Variants in TTLL1 observed in about 807,000 individuals in gnomAD.
The protein encoded by TTLL1 is TTL family tubulin polyglutamylase complex subunit L1.
Under a neutral mutation model 47.8 loss-of-function variants are expected in TTLL1, and 33 were observed. The ratio of observed to expected loss-of-function variants is 0.69; its 90% CI spans 0.52 to 0.92. The LOEUF (loss-of-function observed/expected upper bound fraction) is 0.92, where lower values mean the gene tolerates loss of function less well. TTLL1 is among the 40% of genes least tolerant of loss of function. The pLI is 0.00. For synonymous variants in TTLL1, 225 were observed against 214.1 expected, an observed-to-expected ratio of 1.05 and a Z score of -0.45; for missense variants, 488 against 547.5, an observed-to-expected ratio of 0.89 and a Z score of 1.08.
chr22:43,073,226 T>C (rs894923396), intron 3 of TTLL1, among the ~76,000 whole-genome samples: 1 of 151,494 alleles, frequency 6.6e-6, no homozygotes, highest in African/African-American at 2.4e-5. Flanking sequence ...ATGTTGGCCA[T>C]GGTTGGCCAG....
Position 43,075,467 on chromosome 22 carries a change from T to A in TTLL1, c.113+7A>T, listed in dbSNP as rs775896926. On this transcript the variant is annotated splice_region_variant and intron_variant, in intron 3 of 10. Transcript: ENST00000266254. Reference sequence around the variant, plus strand: ...AGAAACAACCCAGCCCTGCTGTGTATGCTTACCAGTAAAAATTCCAGTCCT... The same window carrying A: ...AGAAACAACCCAGCCCTGCTGTGTAAGCTTACCAGTAAAAATTCCAGTCCT... 68 of 1,612,438 alleles carry A rather than the reference T, an allele frequency of 4.2e-5. 1 individual carries two copies. In the South Asian group the frequency reaches 7.4e-4, roughly 17 times the overall value.
intron 9 of TTLL1, among the ~76,000 whole-genome samples, chr22:43,049,686 T>C (rs1601659515): frequency 6.6e-6 from 1 of 150,604 alleles, no homozygotes; most frequent in South Asian, 2.1e-4. Flanking sequence ...GGAAGATCAC[T>C]TAAGCTCAGA....
chr22:43,051,998 G>A, intron 8 of TTLL1, 111 bp from the exon 9 acceptor site: 2 of 942,852 alleles, frequency 2.1e-6, no homozygotes, highest in Non-Finnish European at 3.4e-6. Context: ...CCACAGCACA[G>A]GTTCCCACCC....
At chr22:43,040,482 A>G (rs1925582871) in intron 10 of TTLL1, among the ~76,000 whole-genome samples, 1 of 151,930 alleles carries the variant, frequency 6.6e-6, no homozygotes, top group Non-Finnish European at 1.5e-5. Flanking sequence ...GTTTCACTCT[A>G]TCACCAAGGC....
chr22:43,058,687 T>A (rs1927186535), intron 8 of TTLL1, among the ~76,000 whole-genome samples: 1 of 148,648 alleles, frequency 6.7e-6, no homozygotes, highest in South Asian at 2.1e-4. Context: ...AAAACAGGTT[T>A]TTTTTTGTTT....
intron 8 of TTLL1, among the ~76,000 whole-genome samples, chr22:43,053,144 G>T (rs894381104): frequency 6.6e-6 from 1 of 152,122 alleles, no homozygotes; most frequent in African/African-American, 2.4e-5. Flanking sequence ...TCCCCAGCCT[G>T]CCTGGATTCA....
chr22:43,039,771 G>A lies in TTLL1; in HGVS notation c.*5C>T. ...TGAGTAGTTTTGATAAGGTCCAGGT[G>A]GGACTCACTTCCAGGTGGTGAGGAC... On this transcript the variant is annotated 3_prime_UTR_variant, in exon 11 of 11. Transcript: ENST00000266254. 1 of 1,608,490 alleles carries A rather than the reference G, an allele frequency of 6.2e-7. No homozygotes were observed. The highest frequency in any genetic ancestry group is 8.5e-7 in the Non-Finnish European group (1 of 1,176,272).
intron 4 of TTLL1, 108 bp downstream of exon 4, chr22:43,069,528 G>T: frequency 6.5e-7 from 1 of 1,545,208 alleles, no homozygotes; most frequent in Non-Finnish European, 8.7e-7. Context: ...CAACTCGCAT[G>T]GACATGCTCA....
At chr22:43,048,357 G>A (rs1027173739) in intron 9 of TTLL1, among the ~76,000 whole-genome samples, 31 of 151,630 alleles carry the variant, frequency 2.0e-4, no homozygotes, top group Admixed American at 4.6e-4. Flanking sequence ...GTTTTAGGCT[G>A]TGTGCAGTGG....
At position 43,069,644 on chromosome 22, in the gene TTLL1, AG is replaced by A. The variant is rs1569437220; in HGVS notation, c.313del (p.Leu105SerfsTer20). ...LAEKDENGKY[L>X]YLDFVPVTYM... ...GTGGAAGACGCACAAACCCAGATAG[AG>A]GTATTTTCCATTTTCATCTTTTTCT... On this transcript the variant is annotated frameshift_variant, in exon 4 of 11. Transcript: ENST00000266254. LOFTEE classifies it high-confidence loss of function. 1.9e-6 allele frequency: 3 copies of A among 1,613,980 alleles called. No individual in the cohort carries two copies. Among genetic ancestry groups the A allele is most frequent in the Non-Finnish European group, 1.7e-6 (2 of 1,180,026 alleles).
chr22:43,071,436 GT>G (rs1279127667), intron 3 of TTLL1, among the ~76,000 whole-genome samples: 2 of 152,108 alleles, frequency 1.3e-5, no homozygotes, highest in African/African-American at 4.8e-5. Flanking sequence ...TGGAGATAGA[GT>G]TTTACTCTGT....
chr22:43,088,482 C>CT (rs1929395383), intron 1 of TTLL1, among the ~76,000 whole-genome samples: 1 of 147,212 alleles, frequency 6.8e-6, no homozygotes, highest in Non-Finnish European at 1.5e-5. Flanking sequence ...GACTACAGGC[C>CT]CCCGCCACCA....
chr22:43,063,209 G>A (rs765647249), intron 7 of TTLL1, among the ~76,000 whole-genome samples: 30 of 152,216 alleles, frequency 2.0e-4, no homozygotes, highest in Non-Finnish European at 3.2e-4. Flanking sequence ...AGAAACCGAG[G>A]CTCTGAGAGT....
chr22:43,063,691 C>T, intron 7 of TTLL1, 122 bp downstream of exon 7: 3 of 786,798 alleles, frequency 3.8e-6, no homozygotes, highest in Middle Eastern at 3.3e-4. Flanking sequence ...GTCTCGAACT[C>T]CTGACCTCAG....
intron 1 of TTLL1, among the ~76,000 whole-genome samples, chr22:43,085,139 G>T (rs1469584300): frequency 6.6e-6 from 1 of 151,762 alleles, no homozygotes; most frequent in South Asian, 2.1e-4. Flanking sequence ...ACCATGCCCG[G>T]CTAATTTTTT....
chr22:43,052,192 C>T (rs1054850497), intron 8 of TTLL1: 8 of 392,902 alleles, frequency 2.0e-5, no homozygotes, highest in Non-Finnish European at 3.4e-5. Context: ...TCAGAGTGAA[C>T]GGATGTCCAG....
intron 1 of TTLL1, among the ~76,000 whole-genome samples, chr22:43,087,853 A>AAC (rs1490613963): frequency 6.8e-6 from 1 of 147,042 alleles, no homozygotes; most frequent in African/African-American, 2.5e-5. Context: ...AAAAAAAAAA[A>AAC]AACCAAGAAT....
rs1291781354 is a variant in TTLL1, at chr22:43,041,617, A to G, written c.1143-1712T>C. On this transcript the variant is annotated intron_variant, in intron 10 of 10. Transcript: ENST00000266254. Reference sequence around the variant, plus strand: ...GCAACCTCTGCCTCCTGGGTTCAAGAGATTCTCATGCCTCAGCCTCCCAAG... The same window carrying G: ...GCAACCTCTGCCTCCTGGGTTCAAGGGATTCTCATGCCTCAGCCTCCCAAG... Among the ~76,000 whole-genome samples the G allele has an allele frequency of 3.4e-5, 5 of 148,886 alleles. No homozygotes were observed. The Admixed American group carries it at 3.4e-4, about 10-fold the overall frequency.
At chr22:43,049,832 G>A (rs182360504) in intron 9 of TTLL1, among the ~76,000 whole-genome samples, 75 of 151,006 alleles carry the variant, frequency 5.0e-4, no homozygotes, top group African/African-American at 1.7e-3. Context: ...GGTGGCTCAC[G>A]CCTGTCATCC....
Sources: allele counts gnomAD v4.1 joint callset (sites outside exome capture counted in the v4.1 genomes callset), GRCh38; gene constraint gnomAD v4.1.1; transcripts MANE v1.5; gene names NCBI Gene and HGNC (gene_info 2026-07-23, HGNC 2026-07-21).